The following GALNS variants were observed in gnomAD, a reference collection of about 807,000 sequenced individuals.
The protein encoded by GALNS is N-acetylgalactosamine-6-sulfatase.
Under a neutral mutation model 65.9 loss-of-function variants are expected in GALNS, and 65 were observed. The ratio of observed to expected loss-of-function variants is 0.99; its 90% CI spans 0.81 to 1.21. GALNS has a LOEUF of 1.21. Ranked by LOEUF, GALNS falls within the 50% of genes most tolerant of loss-of-function variation. The probability of loss-of-function intolerance (pLI) is 0.00; values close to 1 mark genes in which losing one functional copy is unlikely to be tolerated. For synonymous variants in GALNS, 346 were observed against 288.9 expected, an observed-to-expected ratio of 1.20 and a Z score of -2.00; for missense variants, 776 against 700.7, an observed-to-expected ratio of 1.11 and a Z score of -1.21.
At chr16:88,829,887 G>A (rs148491338) in intron 9 of GALNS, among the ~76,000 whole-genome samples, 5,553 of 152,288 alleles carry the variant, frequency 0.036, 167 homozygotes, top group Non-Finnish European at 0.046. Context: ...AAACAGGGAG[G>A]CCAGCCTGGG....
At chr16:88,817,169 A>G in intron 13 of GALNS, 1 of 985,368 alleles carries the variant, frequency 1.0e-6, no homozygotes, top group African/African-American at 1.7e-5. Context: ...TCCACATGCC[A>G]CCCTATGGGA....
chr16:88,846,674 C>T (rs985986336), intron 1 of GALNS, among the ~76,000 whole-genome samples: 2 of 152,066 alleles, frequency 1.3e-5, no homozygotes, highest in African/African-American at 4.8e-5. Flanking sequence ...TCCCAAGTAG[C>T]TGGGATTATA....
At chr16:88,817,353 T>C in intron 13 of GALNS, 1 of 985,426 alleles carries the variant, frequency 1.0e-6, no homozygotes, top group Non-Finnish European at 1.2e-6. Context: ...AGGCCGTTTC[T>C]CTACTGGAGG....
chr16:88,855,433 G>A, intron 1 of GALNS: 1 of 702,838 alleles, frequency 1.4e-6, no homozygotes. Flanking sequence ...CTTTAGGAGG[G>A]AGATGCCACT....
chr16:88,841,240 G>A (rs928986364), intron 3 of GALNS, 146 bp from the exon 4 acceptor site: 31 of 711,230 alleles, frequency 4.4e-5, no homozygotes, highest in African/African-American at 8.8e-5. Flanking sequence ...GGGGCTGCGC[G>A]TCCACAGGGC....
intron 8 of GALNS, among the ~76,000 whole-genome samples, chr16:88,834,298 G>C (rs1911834803): frequency 6.8e-6 from 1 of 147,642 alleles, no homozygotes; most frequent in South Asian, 2.2e-4. Flanking sequence ...CCCCCGACAT[G>C]GTCTGGGACG....
At chr16:88,837,965 T>C (rs2143002590) in intron 4 of GALNS, 200 bp from the exon 5 acceptor site, 1 of 592,840 alleles carries the variant, frequency 1.7e-6, no homozygotes. Flanking sequence ...CCGCCTACCC[T>C]GCAGAGCGTC....
intron 1 of GALNS, among the ~76,000 whole-genome samples, chr16:88,848,933 C>T (rs893615158): frequency 9.8e-5 from 15 of 152,326 alleles, no homozygotes; most frequent in African/African-American, 3.4e-4. Flanking sequence ...CCCCGGTGGA[C>T]GGCAGGCTAC....
intron 10 of GALNS, among the ~76,000 whole-genome samples, chr16:88,826,143 G>A (rs1311759222): frequency 1.3e-5 from 2 of 151,482 alleles, no homozygotes; most frequent in African/African-American, 4.9e-5. Flanking sequence ...ACAGGGGTGG[G>A]GCAGACAGGG....
intron 13 of GALNS, chr16:88,815,976 C>T: frequency 1.0e-6 from 1 of 985,388 alleles, no homozygotes; most frequent in Non-Finnish European, 1.2e-6. Flanking sequence ...TGGGGCTGGC[C>T]TGGAGTTGGC....
At position 88,813,789 on chromosome 16, in the gene GALNS, AC is replaced by A. The variant is rs1354483003; in HGVS notation, c.*649del. 1 of 153,492 alleles carries A rather than the reference AC, an allele frequency of 6.5e-6. No individual in the cohort carries two copies. Among genetic ancestry groups the A allele is most frequent in the Admixed American group, 6.5e-5 (1 of 15,490 alleles). The allele number at this position is 153,492 out of a possible 1,614,324, so 9.5% of individuals were successfully genotyped here. On this transcript the variant is annotated 3_prime_UTR_variant, in exon 14 of 14. Coordinates refer to ENST00000268695, the MANE Select transcript of GALNS (RefSeq NM_000512.5). ...CGTTTTATTTCTAAATAACATAGTT[AC>A]AATGATAAGAAGCTACACGCCTCCC...
chr16:88,835,169 C>T (rs765422681), intron 8 of GALNS, 44 bp downstream of exon 8: 22 of 1,553,800 alleles, frequency 1.4e-5, no homozygotes, highest in South Asian at 5.9e-5. Flanking sequence ...TTCGCTGACA[C>T]GCTGGCTGTG....
At chr16:88,823,832 G>A (rs1035981810) in intron 11 of GALNS, among the ~76,000 whole-genome samples, 1 of 147,126 alleles carries the variant, frequency 6.8e-6, no homozygotes, top group Non-Finnish European at 1.5e-5. Flanking sequence ...GCCGGGGACC[G>A]ATGCCCAGGA....
At chr16:88,842,898 C>G in intron 1 of GALNS, 69 bp from the exon 2 acceptor site, 1 of 1,593,366 alleles carries the variant, frequency 6.3e-7, no homozygotes, top group South Asian at 1.1e-5. Flanking sequence ...GGGAGCTGCC[C>G]ATGGTGCCAA....
intron 13 of GALNS, chr16:88,816,517 C>T (rs191809941): frequency 4.9e-6 from 1 of 202,680 alleles, no homozygotes; most frequent in Non-Finnish European, 8.1e-6. Context: ...CCAGGCACCC[C>T]CGCCCCCCGC....
chr16:88,836,624 AC>A (rs1356529710), intron 5 of GALNS, among the ~76,000 whole-genome samples: 1 of 151,556 alleles, frequency 6.6e-6, no homozygotes, highest in Non-Finnish European at 1.5e-5. Flanking sequence ...ACTGCAATCC[AC>A]CCTGGGTGAC....
chr16:88,814,274 G>C lies in GALNS; in HGVS notation c.*165C>G. 1.1e-6 allele frequency: 1 copy of C among 936,798 alleles called. No homozygotes were observed. 58.0% of individuals were successfully genotyped at this position (936,798 alleles called of 1,614,324 possible). ...AGGAGGAGGGCCAAGCACACGCCAG[G>C]GTCAGGTCCTGGGCAGGTGGAATTG... On this transcript the variant is annotated 3_prime_UTR_variant, in exon 14 of 14. Coordinates refer to ENST00000268695, the MANE Select transcript of GALNS (RefSeq NM_000512.5).
At chr16:88,826,279 G>T (rs1192669783) in intron 10 of GALNS, among the ~76,000 whole-genome samples, 1 of 150,004 alleles carries the variant, frequency 6.7e-6, no homozygotes, top group Admixed American at 6.6e-5. Context: ...CTGCAGGCAG[G>T]GAACAGGGGT....
chr16:88,835,502 A>C, intron 7 of GALNS, 150 bp from the exon 8 acceptor site: 2 of 1,255,086 alleles, frequency 1.6e-6, no homozygotes, highest in Non-Finnish European at 2.3e-6. Flanking sequence ...CAGAAGAGGA[A>C]TGGCCTCAGT....
Sources: allele counts gnomAD v4.1 joint callset (sites outside exome capture counted in the v4.1 genomes callset), GRCh38; gene constraint gnomAD v4.1.1; transcripts MANE v1.5; gene names NCBI Gene and HGNC (gene_info 2026-07-23, HGNC 2026-07-21).